The following GALNTL6 variants were observed in gnomAD, a reference collection of about 807,000 sequenced individuals.
GALNTL6 encodes the protein polypeptide N-acetylgalactosaminyltransferase-like 6.
A neutral mutation model predicts 73.7 loss-of-function variants in GALNTL6; 46 were observed. The ratio of observed to expected loss-of-function variants is 0.62; its 90% CI spans 0.49 to 0.80. The LOEUF is 0.80. GALNTL6 is among the 30% of genes least tolerant of loss of function. GALNTL6 has a pLI of 0.00. For synonymous variants in GALNTL6, 259 were observed against 263.7 expected (o/e 0.98, Z 0.17); for missense variants, 604 against 755.0 (o/e 0.80, Z 2.34).
intron 5 of GALNTL6, among the ~76,000 whole-genome samples, chr4:172,583,526 C>G (rs1201104190): frequency 1.3e-5 from 2 of 152,098 alleles, no homozygotes; most frequent in Non-Finnish European, 2.9e-5. Context: ...AATTTGGAAG[C>G]GTAAATTTGA....
intron 10 of GALNTL6, among the ~76,000 whole-genome samples, chr4:172,981,109 C>T (rs190712998): frequency 6.6e-6 from 1 of 152,314 alleles, no homozygotes; most frequent in Non-Finnish European, 1.5e-5. Flanking sequence ...TCAATGGACA[C>T]TTGGGTTGTT....
intron 2 of GALNTL6, among the ~76,000 whole-genome samples, chr4:172,020,034 A>G (rs1410395148): frequency 6.6e-6 from 1 of 152,166 alleles, no homozygotes; most frequent in Non-Finnish European, 1.5e-5. Context: ...ATGCAAACAC[A>G]TAGAAATTAA....
At chr4:172,987,050 G>A (rs1457956420) in intron 10 of GALNTL6, among the ~76,000 whole-genome samples, 1 of 152,062 alleles carries the variant, frequency 6.6e-6, no homozygotes, top group Admixed American at 6.6e-5. Flanking sequence ...ATAGTTTTTA[G>A]AAACATAATT....
intron 2 of GALNTL6, among the ~76,000 whole-genome samples, chr4:172,174,350 C>T (rs1449904820): frequency 6.6e-6 from 1 of 152,140 alleles, no homozygotes; most frequent in Non-Finnish European, 1.5e-5. Context: ...ATGGGCCTGC[C>T]TTAGTGAAGT....
intron 5 of GALNTL6, among the ~76,000 whole-genome samples, chr4:172,609,803 C>A (rs1352643489): frequency 2.0e-5 from 3 of 151,392 alleles, no homozygotes; most frequent in African/African-American, 7.3e-5. Context: ...TAGAATTTGT[C>A]TATGAATCCG....
intron 4 of GALNTL6, among the ~76,000 whole-genome samples, chr4:172,312,978 C>T (rs1295543609): frequency 2.0e-5 from 3 of 152,112 alleles, no homozygotes; most frequent in Admixed American, 2.0e-4. Context: ...AAATTATCTA[C>T]AGTAATTCTC....
At chr4:172,851,666 G>A (rs1044671079) in intron 7 of GALNTL6, among the ~76,000 whole-genome samples, 2 of 152,082 alleles carry the variant, frequency 1.3e-5, no homozygotes, top group African/African-American at 4.8e-5. Flanking sequence ...GAAGATAAAA[G>A]GAAGTTGGGC....
chr4:172,538,241 A>C (rs1000777250), intron 5 of GALNTL6, among the ~76,000 whole-genome samples: 1 of 152,084 alleles, frequency 6.6e-6, no homozygotes, highest in East Asian at 1.9e-4. Flanking sequence ...TGGGCAGATC[A>C]TGAGGTCAGG....
intron 5 of GALNTL6, among the ~76,000 whole-genome samples, chr4:172,606,817 A>C (rs1292813215): frequency 6.6e-6 from 1 of 151,036 alleles, no homozygotes; most frequent in Non-Finnish European, 1.5e-5. Context: ...ATCGAGCTTC[A>C]GAAGATATTG....
chr4:171,946,221 G>A (rs1427614117), intron 2 of GALNTL6, among the ~76,000 whole-genome samples: 4 of 152,004 alleles, frequency 2.6e-5, no homozygotes, highest in Non-Finnish European at 1.5e-5. Context: ...TGAAAAATAC[G>A]TATTTACAAA....
intron 4 of GALNTL6, among the ~76,000 whole-genome samples, chr4:172,315,752 G>A (rs1181421439): frequency 6.6e-6 from 1 of 151,726 alleles, no homozygotes; most frequent in Non-Finnish European, 1.5e-5. Context: ...TATGACAAAT[G>A]TCCAGTCAAT....
At chr4:172,513,932 C>G (rs891840109) in intron 5 of GALNTL6, among the ~76,000 whole-genome samples, 4 of 152,138 alleles carry the variant, frequency 2.6e-5, no homozygotes, top group African/African-American at 9.7e-5. Context: ...CTGAGGATCT[C>G]TGGTTAGACA....
At chr4:171,866,756 C>G (rs1158184350) in intron 2 of GALNTL6, among the ~76,000 whole-genome samples, 1 of 152,164 alleles carries the variant, frequency 6.6e-6, no homozygotes, top group Non-Finnish European at 1.5e-5. Context: ...CTGTTGTGTC[C>G]TCACATGGTG....
intron 2 of GALNTL6, among the ~76,000 whole-genome samples, chr4:172,224,648 A>G (rs191698792): frequency 1.2e-4 from 18 of 152,236 alleles, no homozygotes; most frequent in Admixed American, 1.2e-3. Context: ...AAGATTGCTA[A>G]AAGTTTGTAA....
chr4:172,635,682 C>T (rs1739639256), intron 5 of GALNTL6, among the ~76,000 whole-genome samples: 1 of 152,076 alleles, frequency 6.6e-6, no homozygotes, highest in Non-Finnish European at 1.5e-5. Context: ...TAAAACATAG[C>T]ACTTAGAAAC....
At chr4:172,614,804 A>G (rs1738660007) in intron 5 of GALNTL6, among the ~76,000 whole-genome samples, 2 of 152,116 alleles carry the variant, frequency 1.3e-5, no homozygotes, top group South Asian at 4.1e-4. Context: ...TTGTGAATCA[A>G]TTTGTACTGT....
chr4:172,445,996 A>G (rs981859720), intron 5 of GALNTL6, among the ~76,000 whole-genome samples: 5 of 152,140 alleles, frequency 3.3e-5, no homozygotes, highest in Admixed American at 6.6e-5. Context: ...CCCTACCCTC[A>G]AGTTCAATGT....
intron 5 of GALNTL6, among the ~76,000 whole-genome samples, chr4:172,421,148 A>G (rs532956152): frequency 6.6e-6 from 1 of 152,140 alleles, no homozygotes; most frequent in Non-Finnish European, 1.5e-5. Flanking sequence ...CATGTATCCC[A>G]GAACTTAAAG....
At chr4:171,999,056 C>T (rs147660003) in intron 2 of GALNTL6, among the ~76,000 whole-genome samples, 29 of 152,236 alleles carry the variant, frequency 1.9e-4, no homozygotes, top group African/African-American at 5.8e-4. Flanking sequence ...CCTCAGGAAA[C>T]GTCTTTTGGT....
Sources: allele counts gnomAD v4.1 joint callset (sites outside exome capture counted in the v4.1 genomes callset), GRCh38; gene constraint gnomAD v4.1.1; transcripts MANE v1.5; gene names NCBI Gene and HGNC (gene_info 2026-07-23, HGNC 2026-07-21).